The following FBXO28 variants were observed in gnomAD, a reference collection of about 807,000 sequenced individuals.
FBXO28 encodes F-box protein 28.
FBXO28 carries 8 observed loss-of-function variants against 38.1 expected under a neutral mutation model. The observed-to-expected ratio is 0.21, with a 90% CI of 0.12 to 0.38. FBXO28 has a LOEUF of 0.38. Ranked by LOEUF, FBXO28 falls within the 10% of genes least tolerant of loss-of-function variation. The pLI is 1.00. For missense variants in FBXO28, 345 were observed against 460.6 expected (o/e 0.75, Z 2.30); for synonymous variants, 168 against 173.8 (o/e 0.97, Z 0.26).
At chr1:224,138,931 G>A (rs1172172565) in intron 3 of FBXO28, among the ~76,000 whole-genome samples, 1 of 151,576 alleles carries the variant, frequency 6.6e-6, no homozygotes, top group Non-Finnish European at 1.5e-5. Flanking sequence ...ACAGGCACAT[G>A]CCACCATGCC....
At chr1:224,139,764 GCATACATACATACATA>G (rs57108038) in intron 3 of FBXO28, among the ~76,000 whole-genome samples, 2 of 145,936 alleles carry the variant, frequency 1.4e-5, no homozygotes, top group Non-Finnish European at 3.0e-5. Flanking sequence ...ATGCATGCAT[GCATACATACATACATA>G]CATACATACA....
chr1:224,121,626 A>G (rs1293530336), intron 1 of FBXO28, among the ~76,000 whole-genome samples: 1 of 151,740 alleles, frequency 6.6e-6, no homozygotes, highest in Non-Finnish European at 1.5e-5. Flanking sequence ...AGGTGTTGGG[A>G]TTGCAGACGT....
intron 3 of FBXO28, among the ~76,000 whole-genome samples, chr1:224,136,961 A>C (rs770908319): frequency 5.3e-5 from 8 of 151,104 alleles, no homozygotes; most frequent in Non-Finnish European, 1.0e-4. Context: ...CATGTTGGCC[A>C]GGCTGGCCTC....
chr1:224,117,945 A>G (rs998652238), intron 1 of FBXO28, among the ~76,000 whole-genome samples: 39 of 152,238 alleles, frequency 2.6e-4, no homozygotes, highest in African/African-American at 8.9e-4. Flanking sequence ...GCTTATGAGC[A>G]TTATATTCTT....
rs1657122166 is a variant in FBXO28 at position 224,134,188 on chromosome 1, T to C, written c.492T>C (p.Asn164=). The C allele has an allele frequency of 6.2e-7, 1 of 1,612,100 alleles. No homozygotes were observed. The highest frequency in any genetic ancestry group is 8.5e-7 in the Non-Finnish European group (1 of 1,179,278). The change falls in exon 3 of 5, where the codon AAT becomes AAC. Residue 164 remains asparagine, a synonymous_variant. Transcript: ENST00000366862. ...NMTFMKYVDS[N]LCCFIPGKVI... Reference sequence around the variant, plus strand: ...CTTTCATGAAATATGTGGATTCCAATCTCTGTTGCTTCATCCCAGGAAAGG... The same window carrying C: ...CTTTCATGAAATATGTGGATTCCAACCTCTGTTGCTTCATCCCAGGAAAGG...
intron 1 of FBXO28, among the ~76,000 whole-genome samples, chr1:224,126,745 G>T (rs1572009132): frequency 6.6e-6 from 1 of 152,324 alleles, no homozygotes; most frequent in African/African-American, 2.4e-5. Context: ...AGGAGATGGA[G>T]GTGGCAGTGA....
chr1:224,134,270 A>T (rs1019316694), intron 3 of FBXO28, 58 bp downstream of exon 3: 4 of 1,535,540 alleles, frequency 2.6e-6, no homozygotes, highest in Non-Finnish European at 2.6e-6. Context: ...CTTATTATAC[A>T]GTTATGAATT....
chr1:224,115,431 C>T (rs1043339946), intron 1 of FBXO28, among the ~76,000 whole-genome samples: 1 of 152,152 alleles, frequency 6.6e-6, no homozygotes, highest in Non-Finnish European at 1.5e-5. Context: ...ATAACATCTT[C>T]TTATTACTCA....
rs527783710 is a variant in FBXO28 at position 224,146,948 on chromosome 1, C to T, written c.517-6194C>T. On this transcript the variant is annotated intron_variant, in intron 3 of 4. Coordinates refer to ENST00000366862, the MANE Select transcript of FBXO28 (RefSeq NM_015176.4). ...GTCTCGAACTCCTGACCTCGTAATC[C>T]GCCCTCCTTGGCCTCCCAAAGTGCT... Among the ~76,000 whole-genome samples the T allele has an allele frequency of 3.3e-5, 5 of 150,524 alleles. No individual in the cohort carries two copies. In the East Asian group the frequency reaches 1.0e-3, roughly 30 times the overall value.
chr1:224,120,616 A>T (rs772432468), intron 1 of FBXO28, among the ~76,000 whole-genome samples: 18 of 152,192 alleles, frequency 1.2e-4, no homozygotes, highest in Non-Finnish European at 2.4e-4. Flanking sequence ...TAATCCCAGC[A>T]CTTTGGGAGG....
At chr1:224,118,250 A>G (rs1041167373) in intron 1 of FBXO28, among the ~76,000 whole-genome samples, 1 of 148,988 alleles carries the variant, frequency 6.7e-6, no homozygotes, top group Non-Finnish European at 1.5e-5. Flanking sequence ...TGCACAGTAT[A>G]AAAAGGGTAA....
intron 3 of FBXO28, among the ~76,000 whole-genome samples, chr1:224,139,711 A>G (rs911244406): frequency 6.6e-6 from 1 of 151,970 alleles, no homozygotes; most frequent in Non-Finnish European, 1.5e-5. Context: ...ACTGTATTCC[A>G]GCCTGGTGAC....
chr1:224,130,835 A>G (rs766739802), intron 2 of FBXO28: 10 of 365,318 alleles, frequency 2.7e-5, no homozygotes, highest in Non-Finnish European at 5.1e-5. Flanking sequence ...AAGAAATAGA[A>G]CTCTCTGTTC....
At chr1:224,118,000 A>ATTT (rs1558185437) in intron 1 of FBXO28, among the ~76,000 whole-genome samples, 247 of 57,378 alleles carry the variant, frequency 4.3e-3, no homozygotes, top group South Asian at 8.5e-3. Context: ...TTAATTAATT[A>ATTT]ATTTATTTAT....
intron 3 of FBXO28, among the ~76,000 whole-genome samples, chr1:224,137,689 G>A (rs893661711): frequency 6.6e-6 from 1 of 151,848 alleles, no homozygotes; most frequent in African/African-American, 2.4e-5. Flanking sequence ...AGTGGGGAAA[G>A]CCAAGAGGAA....
At chr1:224,140,879 G>C (rs1267756728) in intron 3 of FBXO28, among the ~76,000 whole-genome samples, 1 of 151,632 alleles carries the variant, frequency 6.6e-6, no homozygotes, top group Non-Finnish European at 1.5e-5. Flanking sequence ...CTGGGAGGTG[G>C]AGGTTGCAGT....
rs183005303 is a variant in FBXO28, at chr1:224,154,124, A to G, written c.712+787A>G. 2.3e-3 allele frequency among the ~76,000 whole-genome samples: 354 copies of G among 152,350 alleles called. 2 individuals are homozygous for G. Among genetic ancestry groups the G allele is most frequent in the Non-Finnish European group, 2.0e-3 (137 of 68,042 alleles). On this transcript the variant is annotated intron_variant, in intron 4 of 4. Coordinates refer to ENST00000366862, the MANE Select transcript of FBXO28 (RefSeq NM_015176.4). ...AGTAGAAAATATTGTAAGTCAAAAA[A>G]TGCACTTAATACACGAACCTACCGA... is the stretch of plus-strand genomic sequence containing the variant.
intron 4 of FBXO28, among the ~76,000 whole-genome samples, chr1:224,156,823 C>A (rs1657784498): frequency 6.6e-6 from 1 of 152,082 alleles, no homozygotes; most frequent in South Asian, 2.1e-4. Flanking sequence ...CATGGTGAAA[C>A]CCCATCTCTA....
intron 3 of FBXO28, among the ~76,000 whole-genome samples, chr1:224,144,737 T>C (rs1280752481): frequency 6.6e-6 from 1 of 151,472 alleles, no homozygotes; most frequent in Non-Finnish European, 1.5e-5. Flanking sequence ...TCCAGCCTGG[T>C]GACAGAGCAA....
Sources: gnomAD v4.1 joint callset for allele counts (sites outside exome capture counted in the v4.1 genomes callset) on GRCh38, gnomAD v4.1.1 for gene constraint, MANE v1.5 for transcripts, NCBI Gene and HGNC (gene_info 2026-07-23, HGNC 2026-07-21) for gene names.